NGEF: variants seen among roughly 807,000 people sequenced by gnomAD.
NGEF encodes the protein neuronal guanine nucleotide exchange factor.
In NGEF, 31 loss-of-function variants were observed where a neutral mutation model predicts 80.9. The observed-to-expected ratio is 0.38, with a 90% confidence interval of 0.29 to 0.52. NGEF has a LOEUF of 0.52. NGEF is among the 20% of genes least tolerant of loss of function. The pLI is 0.84. For missense variants in NGEF, 709 were observed against 926.2 expected (o/e 0.77, Z 3.04); for synonymous variants, 371 against 370.2 (o/e 1.00, Z -0.03).
At chr2:232,907,454 T>C (rs1359181753) in intron 5 of NGEF, among the ~76,000 whole-genome samples, 1 of 152,178 alleles carries the variant, frequency 6.6e-6, no homozygotes, top group Non-Finnish European at 1.5e-5. Context: ...ATTTGGAACA[T>C]GCAATCTGAA....
intron 3 of NGEF, among the ~76,000 whole-genome samples, chr2:232,936,088 T>C (rs1326099131): frequency 6.6e-6 from 1 of 152,178 alleles, no homozygotes; most frequent in South Asian, 2.1e-4. Context: ...AAGGGTAGGA[T>C]AGATGCTCAG....
At chr2:232,982,213 C>T (rs1559234381) in intron 1 of NGEF, among the ~76,000 whole-genome samples, 1 of 152,092 alleles carries the variant, frequency 6.6e-6, no homozygotes, top group Non-Finnish European at 1.5e-5. Flanking sequence ...TCAATCTCTC[C>T]AAGGAGGGGA....
At chr2:232,945,947 C>T (rs981895027) in intron 3 of NGEF, among the ~76,000 whole-genome samples, 6 of 151,676 alleles carry the variant, frequency 4.0e-5, no homozygotes, top group South Asian at 2.1e-4. Flanking sequence ...CAGCACAATT[C>T]GCAATTGGAA....
intron 4 of NGEF, among the ~76,000 whole-genome samples, chr2:232,924,244 A>T (rs544068257): frequency 9.3e-4 from 142 of 152,148 alleles, no homozygotes; most frequent in African/African-American, 3.4e-3. Flanking sequence ...CCCCAAAATA[A>T]ATAAATAAAT....
In NGEF at chr2:232,882,169, A is replaced by C. The variant is rs1574982305; in HGVS notation, c.1837+17T>G. 6.8e-6 allele frequency: 11 copies of C among 1,611,644 alleles called. No individual in the cohort carries two copies. Among genetic ancestry groups the C allele is most frequent in the Non-Finnish European group, 9.3e-6 (11 of 1,178,656 alleles). On this transcript the variant is annotated intron_variant, in intron 13 of 14. Transcript: ENST00000264051. ...GCCCAAGGACAAATGGCGCCCCCTT[A>C]CCCACCGGTGACTTACCCAGCAGCC...
Position 232,884,112 on chromosome 2 carries a change from C to T in NGEF, c.1470G>A (p.Leu490=). The change falls in exon 11 of 15, where the codon CTG becomes CTA. Residue 490 remains leucine, a synonymous_variant. Coordinates refer to ENST00000264051, the MANE Select transcript of NGEF (RefSeq NM_019850.3). ...SVPIISHSRW[L]LKQGELQQMS... ...TCTGCTGCAGCTCACCCTGCTTCAGCAGCCAGCGGGAGTGGGAGATGATGG... is the reference window on the plus strand; with the variant it reads ...TCTGCTGCAGCTCACCCTGCTTCAGTAGCCAGCGGGAGTGGGAGATGATGG... The T allele has an allele frequency of 2.5e-6, 4 of 1,608,492 alleles. No individual in the cohort carries two copies. Among genetic ancestry groups the T allele is most frequent in the Non-Finnish European group, 3.4e-6 (4 of 1,178,724 alleles).
At position 232,879,047 on chromosome 2, in the gene NGEF, C is replaced by A; in HGVS notation, c.*442G>T. ...TCAGGCAAGGGCGGCCTCATCTGTG[C>A]CTGGTAGATTCTAACTGCTTCCAAG... On this transcript the variant is annotated 3_prime_UTR_variant, in exon 15 of 15. Coordinates refer to ENST00000264051, the MANE Select transcript of NGEF (RefSeq NM_019850.3). The A allele has an allele frequency of 6.4e-6, 1 of 156,060 alleles. No individual in the cohort carries two copies. The allele number at this position is 156,060 out of a possible 1,614,324, so 9.7% of individuals were successfully genotyped here.
At chr2:232,894,314 CCT>C (rs1240040865) in intron 6 of NGEF, among the ~76,000 whole-genome samples, 1 of 152,230 alleles carries the variant, frequency 6.6e-6, no homozygotes, top group Admixed American at 6.5e-5. Context: ...AGGGCTGCAC[CCT>C]GCACAGGGCC....
chr2:232,933,111 A>AAAATAAATAAAT (rs60621174), intron 3 of NGEF, among the ~76,000 whole-genome samples: 252 of 140,168 alleles, frequency 1.8e-3, no homozygotes, highest in Middle Eastern at 3.5e-3. Flanking sequence ...CTCCATCTCA[A>AAAATAAATAAAT]AAATAAATAA....
intron 1 of NGEF, among the ~76,000 whole-genome samples, chr2:232,997,283 C>G (rs1170948538): frequency 6.6e-6 from 1 of 152,286 alleles, no homozygotes; most frequent in East Asian, 1.9e-4. Flanking sequence ...GGGTACACAC[C>G]GTGAGAATTC....
rs570605967 is a variant in NGEF, at chr2:232,884,367, G to A, written c.1438-223C>T. Among the ~76,000 whole-genome samples, 7 of 152,352 alleles carry A rather than the reference G, an allele frequency of 4.6e-5. No individual in the cohort carries two copies. In the East Asian group the frequency reaches 5.8e-4, roughly 13 times the overall value. ...CCCTGTGGGCATGAGTGTGCTATGC[G>A]TGTGTGTGCTGTGCATGTGGACTTC... On this transcript the variant is annotated intron_variant, in intron 10 of 14. Coordinates refer to ENST00000264051, the MANE Select transcript of NGEF (RefSeq NM_019850.3).
Position 232,909,818 on chromosome 2 carries a change from T to C in NGEF, c.828+10466A>G, listed in dbSNP as rs113056549. ...CCACTCTTTGCCAATGAGATCTGTT[T>C]TCTGCCACTAGTGTGGTCTCTTTCA... On this transcript the variant is annotated intron_variant, in intron 5 of 14. Transcript: ENST00000264051. 1.6e-3 allele frequency among the ~76,000 whole-genome samples: 241 copies of C among 152,358 alleles called. 2 individuals carry two copies. The highest frequency in any genetic ancestry group is 5.2e-3 in the African/African-American group (218 of 41,576).
intron 6 of NGEF, among the ~76,000 whole-genome samples, chr2:232,893,401 C>T (rs780531963): frequency 6.6e-6 from 1 of 152,232 alleles, no homozygotes; most frequent in Non-Finnish European, 1.5e-5. Flanking sequence ...ACTGCTGACG[C>T]TGGTGAGCAG....
At chr2:232,943,686 G>A (rs1038998097) in intron 3 of NGEF, among the ~76,000 whole-genome samples, 2 of 150,892 alleles carry the variant, frequency 1.3e-5, no homozygotes, top group East Asian at 2.0e-4. Flanking sequence ...TAGTAGAGAC[G>A]GGGTTTCACT....
intron 3 of NGEF, among the ~76,000 whole-genome samples, chr2:232,944,229 G>C (rs13421872): frequency 2.0e-5 from 3 of 151,818 alleles, no homozygotes; most frequent in African/African-American, 7.3e-5. Context: ...GCAAAACTCC[G>C]TCTGGGAAAA....
intron 3 of NGEF, among the ~76,000 whole-genome samples, chr2:232,932,844 C>T (rs1415558174): frequency 6.6e-6 from 1 of 151,974 alleles, no homozygotes; most frequent in Non-Finnish European, 1.5e-5. Flanking sequence ...TGGCTCACAC[C>T]TTTAATCCCA....
intron 2 of NGEF, among the ~76,000 whole-genome samples, chr2:232,970,891 T>C (rs1315916786): frequency 6.6e-6 from 1 of 152,116 alleles, no homozygotes; most frequent in Non-Finnish European, 1.5e-5. Context: ...AAAAAAGATA[T>C]TGGAAATAAG....
In NGEF at chr2:232,927,152, G is replaced by A. The variant is rs1430711931; in HGVS notation, c.418C>T (p.Pro140Ser). The part of the protein sequence containing the change: ...SSSTPGNGAT[P>S]EEWPALADSP... ...TCGGCCAGGGCCGGCCACTCCTCGG[G>A]CGTGGCCCCATTTCCCGGGGTGGAG... is the stretch of plus-strand genomic sequence containing the variant. Residue 140 changes from proline to serine, a missense_variant, in exon 4 of 15, where the codon CCC (proline) becomes TCC (serine). By Grantham distance (74) the Pro-to-Ser change is moderately conservative. Coordinates refer to ENST00000264051, the MANE Select transcript of NGEF (RefSeq NM_019850.3). 6.2e-7 allele frequency: 1 copy of A among 1,604,368 alleles called. No homozygotes were observed. Among genetic ancestry groups the A allele is most frequent in the East Asian group, 2.2e-5 (1 of 44,692 alleles).
chr2:233,007,087 T>C (rs1467518433), intron 1 of NGEF, among the ~76,000 whole-genome samples: 1 of 151,726 alleles, frequency 6.6e-6, no homozygotes, highest in Non-Finnish European at 1.5e-5. Flanking sequence ...CTACAAAAAA[T>C]ACAAAAATTA....
Sources: gnomAD v4.1 joint callset for allele counts (sites outside exome capture counted in the v4.1 genomes callset) on GRCh38, gnomAD v4.1.1 for gene constraint, MANE v1.5 for transcripts, NCBI Gene and HGNC (gene_info 2026-07-23, HGNC 2026-07-21) for gene names.